Variants in C8orf34 observed in about 807,000 individuals in gnomAD.
C8orf34 encodes the protein chromosome 8 open reading frame 34.
A neutral mutation model predicts 68.3 loss-of-function variants in C8orf34; 65 were observed. That is an observed-to-expected ratio of 0.95 (90% CI 0.78 to 1.17). C8orf34 has a LOEUF of 1.17. Among genes scored for constraint, C8orf34 ranks in the 50% most tolerant of loss-of-function variants. The probability of loss-of-function intolerance (pLI) is 0.00; values close to 1 mark genes in which losing one functional copy is unlikely to be tolerated. For synonymous variants in C8orf34, 244 were observed against 241.2 expected (o/e 1.01, Z -0.11); for missense variants, 664 against 655.4 (o/e 1.01, Z -0.14).
intron 7 of C8orf34, among the ~76,000 whole-genome samples, chr8:68,589,617 GA>G (rs398112562): frequency 4.3e-4 from 12 of 27,632 alleles, no homozygotes; most frequent in Non-Finnish European, 7.3e-4. Context: ...AAGAAGGAGA[GA>G]AGAAGAAAGA....
At chr8:68,619,640 T>C (rs1818329828) in intron 7 of C8orf34, among the ~76,000 whole-genome samples, 1 of 152,212 alleles carries the variant, frequency 6.6e-6, no homozygotes, top group Non-Finnish European at 1.5e-5. Flanking sequence ...TGGTCAGTTT[T>C]ATGTTTCAAA....
intron 1 of C8orf34, among the ~76,000 whole-genome samples, chr8:68,339,653 T>C (rs1207119742): frequency 6.6e-6 from 1 of 151,980 alleles, no homozygotes; most frequent in Non-Finnish European, 1.5e-5. Context: ...TTGGTGTAAA[T>C]TGAAATGGAT....
chr8:68,786,211 C>T (rs1447591850), intron 11 of C8orf34, among the ~76,000 whole-genome samples: 1 of 152,090 alleles, frequency 6.6e-6, no homozygotes, highest in Non-Finnish European at 1.5e-5. Context: ...AAAACATGTT[C>T]TTGAGTCGTG....
chr8:68,508,112 A>G (rs900909581), intron 5 of C8orf34, among the ~76,000 whole-genome samples: 4 of 152,230 alleles, frequency 2.6e-5, no homozygotes, highest in African/African-American at 4.8e-5. Context: ...AAACTCATCC[A>G]GACTCTTAAT....
chr8:68,665,172 G>A (rs1277908307), intron 8 of C8orf34, among the ~76,000 whole-genome samples: 2 of 152,134 alleles, frequency 1.3e-5, no homozygotes, highest in Non-Finnish European at 2.9e-5. Context: ...ATTTATTTGA[G>A]TGAGTCAATA....
In C8orf34 at chr8:68,530,001, C is replaced by T. The variant is rs186795122; in HGVS notation, c.939-2982C>T. Among the ~76,000 whole-genome samples, 1,139 of 151,972 alleles carry T rather than the reference C, an allele frequency of 7.5e-3. 11 individuals are homozygous for T. The highest frequency in any genetic ancestry group is 9.0e-3 in the Non-Finnish European group (609 of 67,908). On this transcript the variant is annotated intron_variant, in intron 6 of 13. Coordinates refer to ENST00000518698, the MANE Select transcript of C8orf34 (RefSeq NM_052958.4). ...TTATTTAACTCCTAAGGGGGAAAAT[C>T]GCCTTAAAGCCGTAACTGTCTTTTT... is the stretch of plus-strand genomic sequence containing the variant.
chr8:68,708,269 A>G (rs754350851), intron 8 of C8orf34, among the ~76,000 whole-genome samples: 22 of 152,220 alleles, frequency 1.4e-4, no homozygotes, highest in Non-Finnish European at 3.1e-4. Context: ...AAAGATCAAG[A>G]GATATGCATA....
intron 3 of C8orf34, among the ~76,000 whole-genome samples, chr8:68,460,744 A>G (rs1007425037): frequency 3.9e-5 from 6 of 152,216 alleles, no homozygotes; most frequent in African/African-American, 1.2e-4. Flanking sequence ...TGTCTGTTAG[A>G]AGGAAAACTA....
intron 12 of C8orf34, among the ~76,000 whole-genome samples, chr8:68,814,101 T>G (rs1197479615): frequency 1.3e-5 from 2 of 152,164 alleles, no homozygotes; most frequent in Non-Finnish European, 2.9e-5. Flanking sequence ...TCTCCAAGTA[T>G]GTAAGACCAC....
intron 8 of C8orf34, among the ~76,000 whole-genome samples, chr8:68,641,834 G>A (rs1321036298): frequency 2.0e-5 from 3 of 152,144 alleles, no homozygotes; most frequent in Non-Finnish European, 4.4e-5. Flanking sequence ...TATATAGACT[G>A]TAAATCACAA....
chr8:68,789,786 T>G (rs1263126003), intron 12 of C8orf34, among the ~76,000 whole-genome samples: 2 of 152,194 alleles, frequency 1.3e-5, no homozygotes, highest in Non-Finnish European at 2.9e-5. Flanking sequence ...AAAATAACTA[T>G]TATAACTATG....
At chr8:68,351,186 T>G (rs1344519725) in intron 1 of C8orf34, among the ~76,000 whole-genome samples, 1 of 152,060 alleles carries the variant, frequency 6.6e-6, no homozygotes, top group Non-Finnish European at 1.5e-5. Flanking sequence ...TTTGCTTACC[T>G]GAAAAGAATC....
At chr8:68,362,539 C>T (rs922860170) in intron 1 of C8orf34, among the ~76,000 whole-genome samples, 7 of 152,278 alleles carry the variant, frequency 4.6e-5, no homozygotes, top group Admixed American at 2.0e-4. Context: ...TCTCCCAGCA[C>T]GCGGCTGGAG....
intron 7 of C8orf34, among the ~76,000 whole-genome samples, chr8:68,629,356 C>T (rs1563572952): frequency 6.6e-6 from 1 of 152,200 alleles, no homozygotes; most frequent in Non-Finnish European, 1.5e-5. Flanking sequence ...GAAGCCTGTT[C>T]AGATGGCACA....
chr8:68,646,090 C>T (rs977860554), intron 8 of C8orf34, among the ~76,000 whole-genome samples: 2 of 152,100 alleles, frequency 1.3e-5, no homozygotes, highest in Non-Finnish European at 2.9e-5. Context: ...TTAGTTAATA[C>T]ATCTGTTATG....
chr8:68,366,697 G>A (rs1807274347), intron 1 of C8orf34, among the ~76,000 whole-genome samples: 5 of 144,966 alleles, frequency 3.4e-5, no homozygotes, highest in South Asian at 2.2e-4. Context: ...CTAGCCATAT[G>A]TAGAAAGCTG....
At chr8:68,551,291 T>C (rs1049501732) in intron 7 of C8orf34, among the ~76,000 whole-genome samples, 14 of 152,000 alleles carry the variant, frequency 9.2e-5, no homozygotes, top group African/African-American at 2.7e-4. Context: ...ATGTCCAGTC[T>C]ACTAATGAGC....
chr8:68,621,799 T>G (rs957138212), intron 7 of C8orf34, among the ~76,000 whole-genome samples: 9 of 152,226 alleles, frequency 5.9e-5, no homozygotes, highest in Admixed American at 5.2e-4. Context: ...AATTTTCTTC[T>G]AAGTAATTTG....
At chr8:68,631,543 C>A (rs961939777) in intron 7 of C8orf34, among the ~76,000 whole-genome samples, 3 of 152,136 alleles carry the variant, frequency 2.0e-5, no homozygotes, top group African/African-American at 7.2e-5. Flanking sequence ...ATTCTGCTAT[C>A]CCTATACATC....
Sources: allele counts gnomAD v4.1 joint callset (sites outside exome capture counted in the v4.1 genomes callset), GRCh38; gene constraint gnomAD v4.1.1; transcripts MANE v1.5; gene names NCBI Gene and HGNC (gene_info 2026-07-23, HGNC 2026-07-21).